The following ROR1 variants were observed in gnomAD, a reference collection of about 807,000 sequenced individuals.
ROR1 encodes inactive tyrosine-protein kinase transmembrane receptor ROR1.
A neutral mutation model predicts 78.8 loss-of-function variants in ROR1; 19 were observed. The ratio of observed to expected loss-of-function variants is 0.24; its 90% CI spans 0.17 to 0.35. The LOEUF is 0.35. Ranked by LOEUF, ROR1 falls within the 10% of genes least tolerant of loss-of-function variation. The pLI, the probability that ROR1 is intolerant of heterozygous loss-of-function variation, is 1.00. For missense variants in ROR1, 917 were observed against 1,177.8 expected, an observed-to-expected ratio of 0.78 and a Z score of 3.24; for synonymous variants, 386 against 433.6, an observed-to-expected ratio of 0.89 and a Z score of 1.36.
At chr1:64,153,965 A>G (rs1410055200) in intron 7 of ROR1, among the ~76,000 whole-genome samples, 4 of 152,314 alleles carry the variant, frequency 2.6e-5, no homozygotes, top group African/African-American at 9.6e-5. Flanking sequence ...AGAGGAGGAA[A>G]CTGAGGCCCT....
chr1:64,009,705 C>T (rs1309222572), intron 2 of ROR1, among the ~76,000 whole-genome samples: 3 of 152,062 alleles, frequency 2.0e-5, no homozygotes, highest in Admixed American at 2.0e-4. Flanking sequence ...TTTGATTCAG[C>T]CCAAGCCAGG....
At chr1:64,092,892 G>T (rs894249708) in intron 4 of ROR1, among the ~76,000 whole-genome samples, 3 of 152,156 alleles carry the variant, frequency 2.0e-5, no homozygotes, top group Non-Finnish European at 4.4e-5. Context: ...GCCCAAGCTA[G>T]ATCCCTTATT....
chr1:64,137,029 T>C (rs763629639), intron 4 of ROR1, among the ~76,000 whole-genome samples: 9 of 152,276 alleles, frequency 5.9e-5, no homozygotes, highest in Admixed American at 1.3e-4. Context: ...AACAAAAAAC[T>C]GTAGAACATG....
At chr1:64,041,635 C>T (rs1396051536) in intron 2 of ROR1, among the ~76,000 whole-genome samples, 3 of 152,116 alleles carry the variant, frequency 2.0e-5, no homozygotes, top group South Asian at 2.1e-4. Flanking sequence ...TGTGTGTTCT[C>T]TCCCCAAAAA....
At chr1:64,102,265 C>T (rs746045173) in intron 4 of ROR1, among the ~76,000 whole-genome samples, 2 of 152,138 alleles carry the variant, frequency 1.3e-5, no homozygotes, top group African/African-American at 2.4e-5. Flanking sequence ...TCTGTTTGTG[C>T]GGTTTTTACA....
chr1:64,023,940 A>G (rs1646586502), intron 2 of ROR1, among the ~76,000 whole-genome samples: 1 of 152,104 alleles, frequency 6.6e-6, no homozygotes, highest in African/African-American at 2.4e-5. Context: ...GGTTTTCCCC[A>G]TGCTGTTCTT....
rs536916882 is a variant in ROR1 at position 63,824,861 on chromosome 1, A to G, written c.91+50353A>G. Among the ~76,000 whole-genome samples, 4 of 152,268 alleles carry G rather than the reference A, an allele frequency of 2.6e-5. No individual in the cohort carries two copies. In the East Asian group the frequency reaches 7.7e-4, roughly 29 times the overall value. ...CTTCATGTATATATAGGGCTTACGTATGTATAATGTCTTTCTTTACAAACA... is the reference window on the plus strand; with the variant it reads ...CTTCATGTATATATAGGGCTTACGTGTGTATAATGTCTTTCTTTACAAACA... On this transcript the variant is annotated intron_variant, in intron 1 of 8. Coordinates refer to ENST00000371079, the MANE Select transcript of ROR1 (RefSeq NM_005012.4).
At chr1:63,981,942 G>T (rs182096115) in intron 1 of ROR1, among the ~76,000 whole-genome samples, 1 of 151,880 alleles carries the variant, frequency 6.6e-6, no homozygotes, top group East Asian at 1.9e-4. Context: ...TGTTGCTCTC[G>T]CTTGCCTCCC....
At chr1:63,989,168 G>GTTTTTTTT (rs1234720187) in intron 1 of ROR1, among the ~76,000 whole-genome samples, 3 of 142,484 alleles carry the variant, frequency 2.1e-5, no homozygotes, top group African/African-American at 8.1e-5. Flanking sequence ...TTCTGTTTTT[G>GTTTTTTTT]TTTTTTTTTT....
chr1:64,107,188 A>T (rs1647856079), intron 4 of ROR1: 1 of 152,182 alleles, frequency 6.6e-6, no homozygotes, highest in South Asian at 2.1e-4. Flanking sequence ...TTTAATTTTT[A>T]GAATAACCTT....
chr1:64,114,181 A>C (rs1443275894), intron 4 of ROR1, among the ~76,000 whole-genome samples: 1 of 152,132 alleles, frequency 6.6e-6, no homozygotes, highest in Non-Finnish European at 1.5e-5. Context: ...TGGAAGTGTC[A>C]GCTTCTTGCA....
intron 1 of ROR1, among the ~76,000 whole-genome samples, chr1:63,990,802 A>G (rs1646289627): frequency 6.6e-6 from 1 of 152,152 alleles, no homozygotes; most frequent in Non-Finnish European, 1.5e-5. Context: ...ATAGAACAAA[A>G]ACAAAACAAA....
At chr1:63,945,151 A>T (rs1022297586) in intron 1 of ROR1, among the ~76,000 whole-genome samples, 5 of 152,164 alleles carry the variant, frequency 3.3e-5, no homozygotes, top group African/African-American at 1.2e-4. Context: ...AACGACCCAC[A>T]TTAGTATGGT....
chr1:63,929,235 G>A (rs1175436099), intron 1 of ROR1, among the ~76,000 whole-genome samples: 4 of 152,138 alleles, frequency 2.6e-5, no homozygotes, highest in Admixed American at 2.6e-4. Flanking sequence ...TAGAGGACTG[G>A]GATTGCTGGT....
rs201452302 is a variant in ROR1, at chr1:63,835,311, G to C, written c.91+60803G>C. 5.9e-5 allele frequency among the ~76,000 whole-genome samples: 9 copies of C among 152,284 alleles called. No homozygotes were observed. In the East Asian group the frequency reaches 1.7e-3, roughly 29 times the overall value. ...CATCTGGTACAGTGCCAGACACAGA[G>C]AAAGCCTTCTGGAACTGGAATCCAC... On this transcript the variant is annotated intron_variant, in intron 1 of 8. Coordinates refer to ENST00000371079, the MANE Select transcript of ROR1 (RefSeq NM_005012.4).
chr1:63,876,857 A>AT (rs1557539807), intron 1 of ROR1, among the ~76,000 whole-genome samples: 1 of 151,978 alleles, frequency 6.6e-6, no homozygotes, highest in Non-Finnish European at 1.5e-5. Context: ...TGCTTAGCTC[A>AT]TCCAGTGAGA....
At chr1:64,167,672 C>A (rs1650122143) in intron 8 of ROR1, among the ~76,000 whole-genome samples, 1 of 152,164 alleles carries the variant, frequency 6.6e-6, no homozygotes, top group African/African-American at 2.4e-5. Context: ...CAAGCAGATC[C>A]ATGTCAACAG....
rs76495793 is a variant in ROR1 at position 63,833,356 on chromosome 1, C to T, written c.91+58848C>T. Among the ~76,000 whole-genome samples the T allele has an allele frequency of 6.4e-3, 978 of 152,278 alleles. 11 individuals carry two copies. The highest frequency in any genetic ancestry group is 0.023 in the African/African-American group (946 of 41,542). ...TTCTAAGTGTGTGCTGGTCAGACCA[C>T]CCTTGGGGTATTAACAGTGACAAAC... On this transcript the variant is annotated intron_variant, in intron 1 of 8. Transcript: ENST00000371079.
chr1:63,785,650 C>T (rs527363231), intron 1 of ROR1, among the ~76,000 whole-genome samples: 8 of 151,946 alleles, frequency 5.3e-5, no homozygotes, highest in South Asian at 2.1e-4. Context: ...CTCAGCCTCC[C>T]GAGCAGCTTG....
Sources: gnomAD v4.1 joint callset for allele counts (sites outside exome capture counted in the v4.1 genomes callset) on GRCh38, gnomAD v4.1.1 for gene constraint, MANE v1.5 for transcripts, NCBI Gene and HGNC (gene_info 2026-07-23, HGNC 2026-07-21) for gene names.